Variants in TENM3 observed in about 807,000 individuals in gnomAD.
TENM3 encodes the protein teneurin transmembrane protein 3.
TENM3 carries 63 observed loss-of-function variants against 255.1 expected under a neutral mutation model. The observed-to-expected ratio is 0.25, with a 90% CI of 0.20 to 0.30. TENM3 has a LOEUF of 0.30. Ranked by LOEUF, TENM3 falls within the 10% of genes least tolerant of loss-of-function variation. TENM3 has a pLI of 1.00. For missense variants in TENM3, 2,929 were observed against 3,461.1 expected, an observed-to-expected ratio of 0.85 and a Z score of 3.86; for synonymous variants, 1,306 against 1,322.3, an observed-to-expected ratio of 0.99 and a Z score of 0.27.
chr4:182,327,211 C>A (rs781494487), intron 2 of TENM3, among the ~76,000 whole-genome samples: 4 of 152,158 alleles, frequency 2.6e-5, no homozygotes, highest in Non-Finnish European at 5.9e-5. Flanking sequence ...GTGCTTCCTG[C>A]CACAGCTCCT....
the TENM3 span, among the ~76,000 whole-genome samples, chr4:181,477,984 C>T: frequency 6.6e-6 from 1 of 152,152 alleles, no homozygotes; most frequent in East Asian, 1.9e-4. Flanking sequence ...AAAATGTTTG[C>T]AGCTTGCTTG....
At chr4:181,526,268 TAAAA>T in the TENM3 span, among the ~76,000 whole-genome samples, 4 of 145,076 alleles carry the variant, frequency 2.8e-5, no homozygotes, top group African/African-American at 7.6e-5. Flanking sequence ...GAATCCAAAT[TAAAA>T]AAAAAAAACC....
intron 6 of TENM3, among the ~76,000 whole-genome samples, chr4:182,657,479 G>A (rs544379958): frequency 2.0e-5 from 3 of 152,088 alleles, no homozygotes; most frequent in East Asian, 1.9e-4. Flanking sequence ...TCATCTTTGC[G>A]GGGGTCCTCT....
rs2309707 is a variant in TENM3, at chr4:182,724,211, G to C, written c.2369-4754G>C. The stretch of plus-strand genomic sequence containing the variant: ...CTATTAGACATGGCTTCTATACCAA[G>C]ATAAATTTAAGCCAACCTAATATTC... On this transcript the variant is annotated intron_variant, in intron 13 of 27. Transcript: ENST00000511685. Among the ~76,000 whole-genome samples, 14 of 152,344 alleles carry C rather than the reference G, an allele frequency of 9.2e-5. No individual in the cohort carries two copies. The East Asian group carries it at 1.7e-3, about 19-fold the overall frequency.
chr4:181,734,343 G>A, the TENM3 span, among the ~76,000 whole-genome samples: 18 of 151,644 alleles, frequency 1.2e-4, no homozygotes, highest in South Asian at 2.1e-4. Flanking sequence ...ACAGCATAGC[G>A]CTCACCACTT....
intron 3 of TENM3, among the ~76,000 whole-genome samples, chr4:182,550,056 C>G (rs1741846000): frequency 6.6e-6 from 1 of 152,088 alleles, no homozygotes; most frequent in South Asian, 2.1e-4. Flanking sequence ...AATAAAAATT[C>G]CGCTCAAAAC....
chr4:182,083,232 T>C, the TENM3 span, among the ~76,000 whole-genome samples: 2 of 152,192 alleles, frequency 1.3e-5, no homozygotes, highest in Admixed American at 6.5e-5. Context: ...ATGTATTAAG[T>C]AATAGGTTTG....
the TENM3 span, among the ~76,000 whole-genome samples, chr4:181,896,737 C>T: frequency 1.1e-4 from 16 of 152,134 alleles, no homozygotes; most frequent in Non-Finnish European, 1.9e-4. Flanking sequence ...TTAGGTGTTC[C>T]GAAGGAATGC....
chr4:182,617,493 G>A (rs1025969495), intron 4 of TENM3, among the ~76,000 whole-genome samples: 2 of 152,120 alleles, frequency 1.3e-5, no homozygotes, highest in East Asian at 1.9e-4. Flanking sequence ...TGGAAAAGTC[G>A]TTTGATGTTG....
intron 3 of TENM3, among the ~76,000 whole-genome samples, chr4:182,570,757 G>A (rs1744274652): frequency 6.6e-6 from 1 of 152,016 alleles, no homozygotes; most frequent in African/African-American, 2.4e-5. Flanking sequence ...GTTAACCTGG[G>A]AGGCGGAGCT....
chr4:181,542,027 ATTC>A, the TENM3 span, among the ~76,000 whole-genome samples: 20 of 152,206 alleles, frequency 1.3e-4, no homozygotes, highest in Non-Finnish European at 2.4e-4. Flanking sequence ...CATGGCAGGT[ATTC>A]TTCTTAGGGA....
chr4:181,528,180 T>C, the TENM3 span, among the ~76,000 whole-genome samples: 1 of 152,146 alleles, frequency 6.6e-6, no homozygotes, highest in African/African-American at 2.4e-5. Flanking sequence ...AATATACATA[T>C]TTGTATATTG....
intron 3 of TENM3, among the ~76,000 whole-genome samples, chr4:182,452,758 G>C (rs1356787809): frequency 6.6e-6 from 1 of 152,210 alleles, no homozygotes; most frequent in Admixed American, 6.5e-5. Context: ...TTTTGCATTA[G>C]AAATTTATTA....
chr4:181,496,097 G>A, the TENM3 span, among the ~76,000 whole-genome samples: 1 of 151,946 alleles, frequency 6.6e-6, no homozygotes, highest in African/African-American at 2.4e-5. Context: ...TAACGAGTAG[G>A]TATTGAATAT....
At chr4:182,212,314 T>C (rs1755101789) in intron 1 of TENM3, among the ~76,000 whole-genome samples, 1 of 152,126 alleles carries the variant, frequency 6.6e-6, no homozygotes. Flanking sequence ...GAGATAGAAA[T>C]CAGATACCCA....
chr4:182,453,931 A>G (rs1773677634), intron 3 of TENM3, among the ~76,000 whole-genome samples: 1 of 152,184 alleles, frequency 6.6e-6, no homozygotes, highest in Non-Finnish European at 1.5e-5. Flanking sequence ...TCAAAGTTGT[A>G]CATTAGCGGA....
At chr4:182,567,505 C>G (rs985012920) in intron 3 of TENM3, among the ~76,000 whole-genome samples, 7 of 152,168 alleles carry the variant, frequency 4.6e-5, no homozygotes, top group African/African-American at 1.7e-4. Context: ...CTTCCAGATT[C>G]TACATGACCT....
chr4:182,314,670 T>G (rs960098692), intron 1 of TENM3, among the ~76,000 whole-genome samples: 1 of 152,228 alleles, frequency 6.6e-6, no homozygotes, highest in Non-Finnish European at 1.5e-5. Context: ...TATATTTAAG[T>G]GTGTTTCTTG....
the TENM3 span, among the ~76,000 whole-genome samples, chr4:181,662,506 T>C: frequency 1.8e-4 from 27 of 152,328 alleles, no homozygotes; most frequent in African/African-American, 5.5e-4. Context: ...TGTCCTTCTC[T>C]CGGATATTGG....
Sources: gnomAD v4.1 joint callset for allele counts (sites outside exome capture counted in the v4.1 genomes callset) on GRCh38, gnomAD v4.1.1 for gene constraint, MANE v1.5 for transcripts, NCBI Gene and HGNC (gene_info 2026-07-23, HGNC 2026-07-21) for gene names.